The following ACTR3B variants were observed in gnomAD, a reference collection of about 807,000 sequenced individuals.
ACTR3B encodes the protein actin-related protein 3B.
ACTR3B carries 8 observed loss-of-function variants against 59.0 expected under a neutral mutation model. That is an observed-to-expected ratio of 0.14 (90% CI 0.08 to 0.24). The LOEUF is 0.24. Ranked by LOEUF, ACTR3B falls within the 10% of genes least tolerant of loss-of-function variation. The pLI, the probability that ACTR3B is intolerant of heterozygous loss-of-function variation, is 1.00. For synonymous variants in ACTR3B, 148 were observed against 197.9 expected (o/e 0.75, Z 2.12); for missense variants, 245 against 552.3 (o/e 0.44, Z 5.58).
intron 2 of ACTR3B, among the ~76,000 whole-genome samples, chr7:152,798,266 T>G (rs527501070): frequency 6.6e-6 from 1 of 152,350 alleles, no homozygotes; most frequent in East Asian, 1.9e-4. Flanking sequence ...TGGGTTTGAT[T>G]TGCATTTCCC....
At chr7:152,826,603 C>CATTAG (rs1355888828) in intron 9 of ACTR3B, among the ~76,000 whole-genome samples, 1 of 152,186 alleles carries the variant, frequency 6.6e-6, no homozygotes, top group Admixed American at 6.5e-5. Flanking sequence ...TTCAATCCCA[C>CATTAG]CTGACATTAG....
chr7:152,825,417 T>C (rs948034515), intron 9 of ACTR3B, among the ~76,000 whole-genome samples: 1 of 152,158 alleles, frequency 6.6e-6, no homozygotes, highest in African/African-American at 2.4e-5. Flanking sequence ...GTTCAAGCAA[T>C]TCTCCTGCCT....
At chr7:152,788,482 G>C (rs1352842536) in intron 2 of ACTR3B, among the ~76,000 whole-genome samples, 2 of 148,326 alleles carry the variant, frequency 1.3e-5, no homozygotes, top group Non-Finnish European at 3.0e-5. Context: ...CACAGTCTCA[G>C]CTCACTGCAA....
chr7:152,782,737 G>A (rs1205874200), intron 1 of ACTR3B, among the ~76,000 whole-genome samples: 1 of 151,604 alleles, frequency 6.6e-6, no homozygotes, highest in Non-Finnish European at 1.5e-5. Flanking sequence ...GAGAGCCAGT[G>A]TTGGAATTAG....
intron 9 of ACTR3B, among the ~76,000 whole-genome samples, chr7:152,848,480 C>T (rs1024737670): frequency 6.6e-6 from 1 of 152,174 alleles, no homozygotes; most frequent in African/African-American, 2.4e-5. Flanking sequence ...AACAAAAAAA[C>T]AAACCCCAAA....
intron 9 of ACTR3B, 70 bp from the exon 10 acceptor site, chr7:152,852,056 G>T: frequency 6.2e-7 from 1 of 1,609,612 alleles, no homozygotes; most frequent in Non-Finnish European, 8.5e-7. Context: ...TGGGAGTTCT[G>T]TTGTGGGTGG....
chr7:152,802,217 A>G (rs1289652760), intron 4 of ACTR3B, among the ~76,000 whole-genome samples: 32 of 152,102 alleles, frequency 2.1e-4, no homozygotes, highest in South Asian at 2.1e-4. Flanking sequence ...ACTGGTTTAG[A>G]TTCTTGAAGA....
In ACTR3B at chr7:152,780,575, G is replaced by A. The variant is rs181691254; in HGVS notation, c.45-2612G>A. The stretch of plus-strand genomic sequence containing the variant: ...GTTTAGTTGAATTTTAGAGTTGTGA[G>A]CCTAACAGTGCTCAAGTCTGTTTTT... On this transcript the variant is annotated intron_variant, in intron 1 of 11. Coordinates refer to ENST00000256001, the MANE Select transcript of ACTR3B (RefSeq NM_020445.6). Among the ~76,000 whole-genome samples the A allele has an allele frequency of 2.0e-5, 3 of 152,062 alleles. No homozygotes were observed. The East Asian group carries it at 5.8e-4, about 29-fold the overall frequency.
intron 6 of ACTR3B, among the ~76,000 whole-genome samples, chr7:152,817,361 C>T (rs1262845202): frequency 1.3e-5 from 2 of 150,712 alleles, no homozygotes; most frequent in Non-Finnish European, 3.0e-5. Flanking sequence ...AGCTGGGCAA[C>T]AAGAGCGAAA....
intron 4 of ACTR3B, chr7:152,813,442 T>TG (rs1254182259): frequency 1.3e-5 from 2 of 152,264 alleles, no homozygotes; most frequent in Non-Finnish European, 2.9e-5. Context: ...TGACGGTTAT[T>TG]GTTTTAAAAT....
intron 1 of ACTR3B, among the ~76,000 whole-genome samples, chr7:152,768,087 G>T (rs1275431276): frequency 1.1e-4 from 16 of 152,222 alleles, no homozygotes; most frequent in Non-Finnish European, 2.9e-5. Flanking sequence ...GCTGGGCGTG[G>T]TGGCACACGC....
intron 9 of ACTR3B, among the ~76,000 whole-genome samples, chr7:152,830,075 AT>A (rs1796907361): frequency 6.6e-6 from 1 of 152,246 alleles, no homozygotes; most frequent in African/African-American, 2.4e-5. Flanking sequence ...AATTATGGTA[AT>A]TGAGAGAAGG....
At chr7:152,768,302 C>G (rs1193357552) in intron 1 of ACTR3B, among the ~76,000 whole-genome samples, 5 of 152,170 alleles carry the variant, frequency 3.3e-5, no homozygotes, top group Non-Finnish European at 7.3e-5. Context: ...CTCTTAACTG[C>G]TTTTTTATTG....
Position 152,821,369 on chromosome 7 carries a change from A to G in ACTR3B, c.684+927A>G, listed in dbSNP as rs543824518. On this transcript the variant is annotated intron_variant, in intron 7 of 11. Coordinates refer to ENST00000256001, the MANE Select transcript of ACTR3B (RefSeq NM_020445.6). ...AGCCCCTTCATAGTGGCTCACATCT[A>G]TAATCCTAGGGCTTTGGGAGGCTGA... is the stretch of plus-strand genomic sequence containing the variant. Among the ~76,000 whole-genome samples the G allele has an allele frequency of 1.5e-4, 23 of 152,184 alleles. No individual in the cohort carries two copies. The East Asian group carries it at 3.9e-3, about 26-fold the overall frequency.
intron 9 of ACTR3B, among the ~76,000 whole-genome samples, chr7:152,843,514 G>A (rs558664118): frequency 1.3e-5 from 2 of 152,272 alleles, no homozygotes; most frequent in African/African-American, 4.8e-5. Flanking sequence ...AGCACTGTTT[G>A]TATGGTTATG....
intron 7 of ACTR3B, among the ~76,000 whole-genome samples, chr7:152,821,720 C>T (rs1287988323): frequency 6.6e-6 from 1 of 152,206 alleles, no homozygotes; most frequent in African/African-American, 2.4e-5. Context: ...GTAAAAGAGA[C>T]TGTTCATAGC....
intron 2 of ACTR3B, among the ~76,000 whole-genome samples, chr7:152,791,793 A>G (rs1377032310): frequency 6.6e-6 from 1 of 152,206 alleles, no homozygotes; most frequent in Non-Finnish European, 1.5e-5. Flanking sequence ...CTATAATTTT[A>G]TCATCTCCAT....
chr7:152,807,946 A>G (rs2116777671), intron 4 of ACTR3B, among the ~76,000 whole-genome samples: 1 of 152,346 alleles, frequency 6.6e-6, no homozygotes, highest in South Asian at 2.1e-4. Context: ...GGCATTAGGC[A>G]CATTCACAAA....
chr7:152,825,459 A>G (rs1045421808), intron 9 of ACTR3B, among the ~76,000 whole-genome samples: 14 of 151,748 alleles, frequency 9.2e-5, no homozygotes, highest in Non-Finnish European at 1.9e-4. Flanking sequence ...CTACAGGTGC[A>G]CGCCACCACA....
Sources: allele counts gnomAD v4.1 joint callset (sites outside exome capture counted in the v4.1 genomes callset), GRCh38; gene constraint gnomAD v4.1.1; transcripts MANE v1.5; gene names NCBI Gene and HGNC (gene_info 2026-07-23, HGNC 2026-07-21).